Variants in IQGAP2 observed in about 807,000 individuals in gnomAD.
IQGAP2 encodes the protein IQ motif containing GTPase activating protein 2.
Under a neutral mutation model 201.3 loss-of-function variants are expected in IQGAP2, and 173 were observed. The ratio of observed to expected loss-of-function variants is 0.86; its 90% CI spans 0.76 to 0.98. IQGAP2 has a LOEUF of 0.98. Ranked by LOEUF, IQGAP2 falls within the 50% of genes least tolerant of loss-of-function variation. The probability of loss-of-function intolerance (pLI) is 0.00; values close to 1 mark genes in which losing one functional copy is unlikely to be tolerated. For missense variants in IQGAP2, 1,687 were observed against 1,864.8 expected, an observed-to-expected ratio of 0.90 and a Z score of 1.76; for synonymous variants, 675 against 673.9, an observed-to-expected ratio of 1.00 and a Z score of -0.03.
intron 33 of IQGAP2, chr5:76,699,565 G>A (rs1268354371): frequency 1.4e-5 from 2 of 143,894 alleles, no homozygotes; most frequent in African/African-American, 2.6e-5. Context: ...GCTCCCACTA[G>A]TCCTGAATTT....
At chr5:76,617,826 T>A (rs766117496) in intron 13 of IQGAP2, 12 of 1,613,900 alleles carry the variant, frequency 7.4e-6, no homozygotes, top group Non-Finnish European at 1.0e-5. Context: ...CAACCATCTA[T>A]GATCGTATGC....
intron 5 of IQGAP2, among the ~76,000 whole-genome samples, chr5:76,575,987 A>G (rs918597777): frequency 2.6e-5 from 4 of 152,228 alleles, no homozygotes; most frequent in African/African-American, 9.6e-5. Flanking sequence ...ATCTAACTCA[A>G]AATAGAAAAC....
At chr5:76,471,195 A>C (rs904511658) in intron 2 of IQGAP2, among the ~76,000 whole-genome samples, 7 of 152,164 alleles carry the variant, frequency 4.6e-5, no homozygotes, top group East Asian at 3.8e-4. Context: ...AGGAATGGAG[A>C]CGGAGTTTGC....
In IQGAP2 at chr5:76,668,852, T is replaced by A. The variant is rs1402544348; in HGVS notation, c.2843+8T>A. On this transcript the variant is annotated splice_region_variant and intron_variant, in intron 23 of 35. Transcript: ENST00000274364. ...TCTGGAGGAAGAAATAAAGTATGTATACAAATATGTATGTAAAAATACCAG... is the reference window on the plus strand; with the variant it reads ...TCTGGAGGAAGAAATAAAGTATGTAAACAAATATGTATGTAAAAATACCAG... The A allele has an allele frequency of 6.6e-7, 1 of 1,523,726 alleles. No homozygotes were observed. Among genetic ancestry groups the A allele is most frequent in the Admixed American group, 2.0e-5 (1 of 50,378 alleles). The allele number at this position is 1,523,726 out of a possible 1,614,324, so 94.4% of individuals were successfully genotyped here.
At chr5:76,658,004 T>C (rs1686398450) in intron 20 of IQGAP2, among the ~76,000 whole-genome samples, 1 of 152,198 alleles carries the variant, frequency 6.6e-6, no homozygotes, top group African/African-American at 2.4e-5. Flanking sequence ...TACTTCCGGC[T>C]CCTTCCCAAA....
chr5:76,511,742 G>A (rs1262898490), intron 2 of IQGAP2, among the ~76,000 whole-genome samples: 6 of 151,316 alleles, frequency 4.0e-5, no homozygotes, highest in Middle Eastern at 6.8e-3. Context: ...GTGCAGTGGC[G>A]CGATCTCGGC....
intron 13 of IQGAP2, among the ~76,000 whole-genome samples, chr5:76,613,475 A>G (rs2150346217): frequency 6.6e-6 from 1 of 152,310 alleles, no homozygotes; most frequent in Middle Eastern, 3.4e-3. Flanking sequence ...TACCTGTCTT[A>G]TAGGATTATG....
At chr5:76,433,816 T>G (rs778334697) in intron 1 of IQGAP2, among the ~76,000 whole-genome samples, 46 of 152,244 alleles carry the variant, frequency 3.0e-4, no homozygotes, top group Non-Finnish European at 5.9e-4. Context: ...CGGCTGATTC[T>G]TAACTTCAGT....
At chr5:76,618,203 G>GGCCC (rs1561516584) in intron 13 of IQGAP2, 1 of 1,614,182 alleles carries the variant, frequency 6.2e-7, no homozygotes, top group Non-Finnish European at 8.5e-7. Flanking sequence ...TGACTGTGGT[G>GGCCC]GCCCGGCACA....
At chr5:76,524,554 G>A (rs1163832875) in intron 2 of IQGAP2, among the ~76,000 whole-genome samples, 2 of 152,138 alleles carry the variant, frequency 1.3e-5, no homozygotes, top group Non-Finnish European at 2.9e-5. Context: ...GCATAAATGG[G>A]GAGGCCATGA....
chr5:76,665,994 C>T (rs963370530), intron 22 of IQGAP2, among the ~76,000 whole-genome samples: 4 of 152,212 alleles, frequency 2.6e-5, no homozygotes, highest in African/African-American at 7.2e-5. Flanking sequence ...GCTGGGATTC[C>T]TTCAAAGCCT....
At chr5:76,648,097 G>A (rs1734556445) in intron 17 of IQGAP2, among the ~76,000 whole-genome samples, 1 of 152,030 alleles carries the variant, frequency 6.6e-6, no homozygotes, top group African/African-American at 2.4e-5. Context: ...GTCAATGGAG[G>A]CCACATGGGG....
chr5:76,552,317 T>C (rs1176603000), intron 2 of IQGAP2, among the ~76,000 whole-genome samples: 1 of 152,212 alleles, frequency 6.6e-6, no homozygotes, highest in Admixed American at 6.5e-5. Flanking sequence ...TGTCACTCTT[T>C]AGGGAGTGAT....
intron 19 of IQGAP2, 126 bp from the exon 20 acceptor site, chr5:76,654,808 T>C (rs1288956427): frequency 3.2e-6 from 2 of 627,408 alleles, no homozygotes; most frequent in Non-Finnish European, 5.6e-6. Context: ...ATACACCACA[T>C]TGAAATACTG....
chr5:76,554,959 A>G (rs551698770), intron 2 of IQGAP2, among the ~76,000 whole-genome samples: 20 of 152,374 alleles, frequency 1.3e-4, no homozygotes, highest in African/African-American at 4.3e-4. Flanking sequence ...TATCCATACA[A>G]TGAAACATTA....
At chr5:76,609,672 T>G (rs62362040) in intron 12 of IQGAP2, among the ~76,000 whole-genome samples, 71,337 of 151,918 alleles carry the variant, frequency 0.47, 17,884 homozygotes, top group African/African-American at 0.63. Flanking sequence ...CATTTTAGAT[T>G]AAATCTAATG....
At chr5:76,502,919 C>G (rs1357833836) in intron 2 of IQGAP2, among the ~76,000 whole-genome samples, 1 of 146,086 alleles carries the variant, frequency 6.8e-6, no homozygotes, top group Non-Finnish European at 1.5e-5. Context: ...TTTTTTAATT[C>G]TTGGTAGAGA....
At chr5:76,418,188 CAG>C (rs751278569) in intron 1 of IQGAP2, among the ~76,000 whole-genome samples, 1 of 121,448 alleles carries the variant, frequency 8.2e-6, no homozygotes, top group African/African-American at 3.2e-5. Context: ...GCCTGGGTGA[CAG>C]AGAGAGACTC....
At chr5:76,697,283 A>C (rs552739882) in intron 32 of IQGAP2, among the ~76,000 whole-genome samples, 5 of 152,382 alleles carry the variant, frequency 3.3e-5, no homozygotes, top group African/African-American at 1.2e-4. Flanking sequence ...CTTATTTTAA[A>C]AATGAATTTA....
Sources: allele counts gnomAD v4.1 joint callset (sites outside exome capture counted in the v4.1 genomes callset), GRCh38; gene constraint gnomAD v4.1.1; transcripts MANE v1.5; gene names NCBI Gene and HGNC (gene_info 2026-07-23, HGNC 2026-07-21).